DMD: variants seen among roughly 807,000 people sequenced by gnomAD.
DMD encodes the protein mutant dystrophin.
Under a neutral mutation model 330.1 loss-of-function variants are expected in DMD, and 63 were observed. That is an observed-to-expected ratio of 0.19 (90% CI 0.16 to 0.24). The LOEUF is 0.24. Among genes scored for constraint, DMD ranks in the 10% least tolerant of loss-of-function variants. DMD has a pLI of 1.00. For synonymous variants in DMD, 1,223 were observed against 959.8 expected (o/e 1.27, Z -5.07); for missense variants, 3,344 against 2,684.1 (o/e 1.25, Z -5.43).
chrX:32,741,625 A>G (rs745968055), intron 7 of DMD, among the ~76,000 whole-genome samples: 1 of 111,455 alleles, frequency 9.0e-6, no homozygotes, highest in Non-Finnish European at 1.9e-5. Context: ...GACTTCAGAG[A>G]AGTCCATGAA....
chrX:31,796,121 C>T (rs189570588), intron 50 of DMD, among the ~76,000 whole-genome samples: 1 of 111,931 alleles, frequency 8.9e-6, no homozygotes, highest in Non-Finnish European at 1.9e-5. Context: ...TATTATACAA[C>T]CTTTACTAAT....
intron 19 of DMD, among the ~76,000 whole-genome samples, chrX:32,494,780 A>T (rs557967395): frequency 9.0e-6 from 1 of 111,696 alleles, no homozygotes; most frequent in South Asian, 3.7e-4. Flanking sequence ...TAAAAAGTTA[A>T]TAATACTATT....
chrX:32,793,281 G>A (rs1334139301), intron 7 of DMD, among the ~76,000 whole-genome samples: 2 of 110,896 alleles, frequency 1.8e-5, no homozygotes, highest in Non-Finnish European at 3.8e-5. Flanking sequence ...ACGGGATATG[G>A]CAAAAGCAGT....
intron 44 of DMD, among the ~76,000 whole-genome samples, chrX:32,037,617 G>A (rs1455775002): frequency 9.0e-6 from 1 of 111,122 alleles, no homozygotes; most frequent in African/African-American, 3.3e-5. Flanking sequence ...GAGGAATATC[G>A]ATTTCTGGAA....
chrX:33,235,800 G>A (rs2052466693), intron 1 of DMD, among the ~76,000 whole-genome samples: 1 of 109,911 alleles, frequency 9.1e-6, no homozygotes, highest in Non-Finnish European at 1.9e-5. Context: ...ATCTCCCATG[G>A]GTCCCCATTA....
At chrX:31,842,504 C>A (rs1347207579) in intron 48 of DMD, among the ~76,000 whole-genome samples, 1 of 111,396 alleles carries the variant, frequency 9.0e-6, no homozygotes, top group African/African-American at 3.3e-5. Flanking sequence ...ACATAAAAAT[C>A]TTTTGTGAAA....
rs1373005639 is a variant in DMD, at chrX:31,648,311, AAC to A, written c.8027+9677_8027+9678del. ...TTTCAAAATATAGAAGAAACATCCA[AAC>A]ACAGAAAAATGGTAGATAAAATACC... On this transcript the variant is annotated intron_variant, in intron 54 of 78. Transcript: ENST00000357033. Among the ~76,000 whole-genome samples the A allele has an allele frequency of 2.7e-5, 3 of 110,843 alleles. No individual in the cohort carries two copies. In the Admixed American group the frequency reaches 2.9e-4, roughly 11 times the overall value.
intron 1 of DMD, among the ~76,000 whole-genome samples, chrX:33,290,728 G>A (rs1569559596): frequency 9.0e-6 from 1 of 111,282 alleles, no homozygotes; most frequent in Non-Finnish European, 1.9e-5. Flanking sequence ...TACTATAAGT[G>A]AAAGCTTTTG....
chrX:32,696,030 G>C (rs1382567949), intron 9 of DMD, among the ~76,000 whole-genome samples: 2 of 112,277 alleles, frequency 1.8e-5, no homozygotes, highest in East Asian at 5.6e-4. Flanking sequence ...AGTTAAAGCA[G>C]AGTGATGTGT....
chrX:31,180,342 T>G (rs2041027346), intron 69 of DMD, 28 bp downstream of exon 69: 1 of 1,010,496 alleles, frequency 9.9e-7, no homozygotes, highest in African/African-American at 1.9e-5. Flanking sequence ...GTGAACTAAC[T>G]CTCACGTCAG....
intron 45 of DMD, among the ~76,000 whole-genome samples, chrX:31,960,410 G>C (rs944515174): frequency 9.0e-5 from 10 of 111,471 alleles, no homozygotes; most frequent in African/African-American, 3.3e-4. Flanking sequence ...GTAAGTCAAT[G>C]GTGCTTGCTT....
chrX:31,973,602 C>T (rs768533808), intron 44 of DMD, among the ~76,000 whole-genome samples: 12 of 111,074 alleles, frequency 1.1e-4, no homozygotes, highest in Non-Finnish European at 2.1e-4. Context: ...AAGCTTAGCT[C>T]CAATGCCCAG....
intron 53 of DMD, among the ~76,000 whole-genome samples, chrX:31,672,816 G>T (rs1183685441): frequency 8.9e-6 from 1 of 111,910 alleles, no homozygotes; most frequent in African/African-American, 3.2e-5. Flanking sequence ...GAACATGTCA[G>T]AGGTTGCCAA....
chrX:32,731,080 G>A (rs912460628), intron 7 of DMD, among the ~76,000 whole-genome samples: 1 of 111,942 alleles, frequency 8.9e-6, no homozygotes, highest in African/African-American at 3.3e-5. Context: ...GAAGCAGGGT[G>A]AGGCATTGCC....
intron 1 of DMD, among the ~76,000 whole-genome samples, chrX:33,210,837 C>T (rs2051863257): frequency 1.8e-5 from 2 of 111,347 alleles, no homozygotes; most frequent in Non-Finnish European, 3.8e-5. Context: ...TTTTAGGCCT[C>T]CATGTAGTTC....
At chrX:32,456,578 TTGTGTGTGTGTGTGTGTGTGTG>T (rs60876331) in intron 25 of DMD, among the ~76,000 whole-genome samples, 94 of 89,503 alleles carry the variant, frequency 1.1e-3, no homozygotes, top group South Asian at 1.3e-3. Context: ...CATACATACT[TTGTGTGTGTGTGTGTGTGTGTG>T]TGTGTGTGTG....
intron 9 of DMD, among the ~76,000 whole-genome samples, chrX:32,666,997 G>A (rs1269583675): frequency 9.0e-6 from 1 of 111,238 alleles, no homozygotes; most frequent in Non-Finnish European, 1.9e-5. Flanking sequence ...ATTGTTCACA[G>A]TAGCCAAGAT....
intron 55 of DMD, among the ~76,000 whole-genome samples, chrX:31,593,593 A>G (rs2076974550): frequency 9.0e-6 from 1 of 111,061 alleles, no homozygotes; most frequent in African/African-American, 3.3e-5. Flanking sequence ...TTCTGATAAA[A>G]CCCAAAAACT....
intron 41 of DMD, among the ~76,000 whole-genome samples, chrX:32,340,748 C>G (rs1283479130): frequency 8.9e-6 from 1 of 111,878 alleles, no homozygotes; most frequent in East Asian, 2.8e-4. Context: ...CTTCATTTTG[C>G]ATCTGCAGAC....
Sources: gnomAD v4.1 joint callset for allele counts (sites outside exome capture counted in the v4.1 genomes callset) on GRCh38, gnomAD v4.1.1 for gene constraint, MANE v1.5 for transcripts, NCBI Gene and HGNC (gene_info 2026-07-23, HGNC 2026-07-21) for gene names.